Variants in C4orf36 observed in about 807,000 individuals in gnomAD.
C4orf36 encodes uncharacterized protein C4orf36.
A neutral mutation model predicts 12.2 loss-of-function variants in C4orf36; 11 were observed. The ratio of observed to expected loss-of-function variants is 0.90; its 90% CI spans 0.57 to 1.49. C4orf36 has a LOEUF of 1.49. Ranked by LOEUF, C4orf36 falls within the 40% of genes most tolerant of loss-of-function variation. C4orf36 has a pLI of 0.00. For synonymous variants in C4orf36, 54 were observed against 51.3 expected, an observed-to-expected ratio of 1.05 and a Z score of -0.22; for missense variants, 137 against 133.9, an observed-to-expected ratio of 1.02 and a Z score of -0.11.
chr4:86,893,614 TTC>T (rs1747513099), upstream of C4orf36, among the ~76,000 whole-genome samples: 1 of 151,730 alleles, frequency 6.6e-6, no homozygotes, highest in Non-Finnish European at 1.5e-5. Flanking sequence ...ACAGTAACCT[TTC>T]CATCTGACAA....
the C4orf36 span, among the ~76,000 whole-genome samples, chr4:86,899,812 T>C: frequency 1.3e-5 from 2 of 152,072 alleles, no homozygotes; most frequent in African/African-American, 2.4e-5. Flanking sequence ...GCATGGGAAA[T>C]AGAGCGAGCC....
At chr4:86,885,660 T>C (rs1481262415) in intron 4 of C4orf36, among the ~76,000 whole-genome samples, 1 of 152,206 alleles carries the variant, frequency 6.6e-6, no homozygotes, top group Non-Finnish European at 1.5e-5. Context: ...ACAATTTGAC[T>C]TCCTCTTTTC....
the C4orf36 span, among the ~76,000 whole-genome samples, chr4:86,908,452 C>CTT: frequency 2.6e-3 from 363 of 141,712 alleles, no homozygotes; most frequent in Middle Eastern, 0.014. Flanking sequence ...TCAACAGTGT[C>CTT]TTTTTTTTTT....
chr4:86,888,896 C>T (rs1053529819), intron 2 of C4orf36, among the ~76,000 whole-genome samples: 2 of 152,192 alleles, frequency 1.3e-5, no homozygotes, highest in Admixed American at 6.5e-5. Flanking sequence ...ACACCAGCCA[C>T]CCCTTTGTTT....
chr4:86,894,846 CAACT>C (rs1747555450), upstream of C4orf36, among the ~76,000 whole-genome samples: 1 of 152,106 alleles, frequency 6.6e-6, no homozygotes, highest in African/African-American at 2.4e-5. Flanking sequence ...CTTTTGCCAC[CAACT>C]ATGTGATTAA....
At chr4:86,916,379 A>AC in the C4orf36 span, among the ~76,000 whole-genome samples, 1 of 152,112 alleles carries the variant, frequency 6.6e-6, no homozygotes, top group African/African-American at 2.4e-5. Context: ...AAAAAAAAAA[A>AC]AAAAAACTTT....
At chr4:86,915,141 C>T in the C4orf36 span, among the ~76,000 whole-genome samples, 1 of 152,150 alleles carries the variant, frequency 6.6e-6, no homozygotes, top group Non-Finnish European at 1.5e-5. Context: ...ACCGTAGGCT[C>T]GTGGGTGAAA....
At chr4:86,910,683 T>A in the C4orf36 span, among the ~76,000 whole-genome samples, 1 of 152,048 alleles carries the variant, frequency 6.6e-6, no homozygotes, top group Non-Finnish European at 1.5e-5. Context: ...ATAACCAGAT[T>A]TATGCTTAGA....
intron 4 of C4orf36, among the ~76,000 whole-genome samples, chr4:86,879,138 C>G (rs1193706077): frequency 6.6e-6 from 1 of 151,972 alleles, no homozygotes; most frequent in Non-Finnish European, 1.5e-5. Context: ...CAAAAGGGCA[C>G]AAGGCCTACA....
chr4:86,878,324 T>A (rs992295226), intron 4 of C4orf36, among the ~76,000 whole-genome samples: 1 of 152,218 alleles, frequency 6.6e-6, no homozygotes, highest in African/African-American at 2.4e-5. Flanking sequence ...GATATTGGAA[T>A]GCATAGGTTT....
chr4:86,917,856 C>A, the C4orf36 span, among the ~76,000 whole-genome samples: 2 of 118,330 alleles, frequency 1.7e-5, no homozygotes, highest in Non-Finnish European at 3.9e-5. Flanking sequence ...GTACTGAATA[C>A]TATTGGCAGT....
chr4:86,886,012 C>T (rs1278233227), intron 4 of C4orf36, among the ~76,000 whole-genome samples: 2 of 152,066 alleles, frequency 1.3e-5, no homozygotes, highest in Non-Finnish European at 2.9e-5. Context: ...TATTGATTTG[C>T]GTATGTTGAA....
chr4:86,906,742 A>AG, the C4orf36 span, among the ~76,000 whole-genome samples: 1 of 150,126 alleles, frequency 6.7e-6, no homozygotes, highest in African/African-American at 2.5e-5. Context: ...AAAAAAAAAA[A>AG]AAAAAAAAAA....
At chr4:86,917,476 T>G in the C4orf36 span, among the ~76,000 whole-genome samples, 65,915 of 122,784 alleles carry the variant, frequency 0.54, 16,136 homozygotes, top group Middle Eastern at 0.65. Flanking sequence ...AAGAAAGAAA[T>G]AAAGAAAAAG....
intron 3 of C4orf36, 52 bp downstream of exon 3, chr4:86,888,069 C>A (rs1391879113): frequency 1.3e-6 from 2 of 1,588,232 alleles, no homozygotes; most frequent in Non-Finnish European, 1.7e-6. Flanking sequence ...CTCTGATAAG[C>A]AAATGGCACA....
chr4:86,891,998 T>A, intron 1 of C4orf36, 185 bp downstream of exon 1: 1 of 990,190 alleles, frequency 1.0e-6, no homozygotes, highest in Non-Finnish European at 1.2e-6. Context: ...TTTCCCTCAT[T>A]CAAAACACTC....
chr4:86,926,169 G>A, the C4orf36 span: 2 of 152,474 alleles, frequency 1.3e-5, no homozygotes, highest in African/African-American at 2.4e-5. Context: ...GTGAGCCGCC[G>A]TGCCTGGCCT....
chr4:86,934,611 A>G, the C4orf36 span: 2 of 152,192 alleles, frequency 1.3e-5, no homozygotes, highest in African/African-American at 4.8e-5. Context: ...CGCTCCCCAG[A>G]TGTTAGTTAT....
chr4:86,913,907 C>A, the C4orf36 span: 1 of 1,224,998 alleles, frequency 8.2e-7, no homozygotes, highest in African/African-American at 1.5e-5. Context: ...CGGCTCACTA[C>A]GAACTCTCCC....
Sources: allele counts gnomAD v4.1 joint callset (sites outside exome capture counted in the v4.1 genomes callset), GRCh38; gene constraint gnomAD v4.1.1; transcripts MANE v1.5; gene names NCBI Gene and HGNC (gene_info 2026-07-23, HGNC 2026-07-21).